The following SNX5 variants were observed in gnomAD, a reference collection of about 807,000 sequenced individuals.
SNX5 encodes the protein sorting nexin 5.
A neutral mutation model predicts 53.9 loss-of-function variants in SNX5; 31 were observed. The ratio of observed to expected loss-of-function variants is 0.58; its 90% CI spans 0.43 to 0.78. The LOEUF is 0.78. Among genes scored for constraint, SNX5 ranks in the 30% least tolerant of loss-of-function variants. SNX5 has a pLI of 0.00. For synonymous variants in SNX5, 168 were observed against 171.1 expected, an observed-to-expected ratio of 0.98 and a Z score of 0.14; for missense variants, 471 against 478.8, an observed-to-expected ratio of 0.98 and a Z score of 0.15.
chr20:17,960,172 G>C (rs557534989), intron 1 of SNX5, among the ~76,000 whole-genome samples: 1 of 152,292 alleles, frequency 6.6e-6, no homozygotes, highest in South Asian at 2.1e-4. Flanking sequence ...TTTTAAAACT[G>C]ACTTCTGGCT....
chr20:17,942,998 G>A (rs574360635), intron 12 of SNX5, 112 bp downstream of exon 12: 24 of 725,036 alleles, frequency 3.3e-5, no homozygotes, highest in African/African-American at 1.8e-4. Flanking sequence ...TACTACAGAC[G>A]ATTAATACCA....
In SNX5 at chr20:17,962,717, G is replaced by T. The variant is rs901083696; in HGVS notation, c.51+5658C>A. On this transcript the variant is annotated intron_variant, in intron 1 of 12. Coordinates refer to ENST00000377759, the MANE Select transcript of SNX5 (RefSeq NM_014426.4). Reference sequence around the variant, plus strand: ...ACTAAAGGGCTGCAGCAAGTGATCAGATTTTCACCACTCATCTTTGTGAGA... The same window carrying T: ...ACTAAAGGGCTGCAGCAAGTGATCATATTTTCACCACTCATCTTTGTGAGA... The T allele has an allele frequency of 5.8e-6, 3 of 518,616 alleles. No homozygotes were observed. In the African/African-American group the frequency reaches 5.8e-5, roughly 10 times the overall value. 32.1% of individuals were successfully genotyped at this position (518,616 alleles called of 1,614,324 possible).
At chr20:17,958,426 A>AC (rs2122399527) in intron 1 of SNX5, among the ~76,000 whole-genome samples, 1 of 152,350 alleles carries the variant, frequency 6.6e-6, no homozygotes, top group African/African-American at 2.4e-5. Flanking sequence ...TGGATTACTT[A>AC]AGTTTCAAGT....
intron 8 of SNX5, among the ~76,000 whole-genome samples, chr20:17,949,466 G>A (rs937741018): frequency 6.6e-6 from 1 of 152,200 alleles, no homozygotes; most frequent in Non-Finnish European, 1.5e-5. Context: ...TCTGCCATTA[G>A]CCTTTCAATT....
chr20:17,958,827 T>A (rs867521025), intron 1 of SNX5, among the ~76,000 whole-genome samples: 10 of 152,164 alleles, frequency 6.6e-5, no homozygotes, highest in African/African-American at 2.4e-4. Flanking sequence ...CCTTTAAAAA[T>A]ACCTCAAATC....
Sources: gnomAD v4.1 joint callset for allele counts (sites outside exome capture counted in the v4.1 genomes callset) on GRCh38, gnomAD v4.1.1 for gene constraint, MANE v1.5 for transcripts, NCBI Gene and HGNC (gene_info 2026-07-23, HGNC 2026-07-21) for gene names.